The following PLG variants were observed in gnomAD, a reference collection of about 807,000 sequenced individuals.
PLG encodes plasmin.
In PLG, 41 loss-of-function variants were observed where a neutral mutation model predicts 104.4. The ratio of observed to expected loss-of-function variants is 0.39; its 90% CI spans 0.31 to 0.51. The LOEUF (loss-of-function observed/expected upper bound fraction) is 0.51, where lower values mean the gene tolerates loss of function less well. Among genes scored for constraint, PLG ranks in the 20% least tolerant of loss-of-function variants. The pLI is 0.76. For missense variants in PLG, 891 were observed against 1,003.6 expected (o/e 0.89, Z 1.52); for synonymous variants, 337 against 357.1 (o/e 0.94, Z 0.63).
intron 3 of PLG, among the ~76,000 whole-genome samples, chr6:160,710,135 T>G (rs1777612746): frequency 6.6e-6 from 1 of 152,226 alleles, no homozygotes; most frequent in Non-Finnish European, 1.5e-5. Flanking sequence ...ACCTTTAGAT[T>G]TTTATGAATT....
intron 2 of PLG, among the ~76,000 whole-genome samples, chr6:160,707,112 A>G (rs2115151204): frequency 6.6e-6 from 1 of 152,214 alleles, no homozygotes; most frequent in African/African-American, 2.4e-5. Context: ...AGCTCTTGAC[A>G]AGCACCAGGA....
In PLG at chr6:160,714,660, G is replaced by A. The variant is rs4252102; in HGVS notation, c.548-134G>A. On this transcript the variant is annotated intron_variant, in intron 5 of 18. Coordinates refer to ENST00000308192, the MANE Select transcript of PLG (RefSeq NM_000301.5). ...CTTATTGCCAATTTTATTGCCAAGT[G>A]CCTGTTGTGAATTACATCGGAATGA... is the stretch of plus-strand genomic sequence containing the variant. 1,973 of 745,522 alleles carry A rather than the reference G, an allele frequency of 2.6e-3. 28 individuals carry two copies. In the African/African-American group the frequency reaches 0.032, roughly 12 times the overall value. 46.2% of individuals were successfully genotyped at this position (745,522 alleles called of 1,614,324 possible). A position where few individuals can be genotyped will look rare whatever the true frequency, so the allele number is the denominator to read the frequency against.
chr6:160,715,008 A>G, intron 6 of PLG, 94 bp downstream of exon 6: 2 of 1,249,552 alleles, frequency 1.6e-6, no homozygotes, highest in Non-Finnish European at 2.3e-6. Flanking sequence ...GCATTCCTCA[A>G]GAAGTGAACG....
rs906784124 is a variant in PLG, at chr6:160,723,257, T to C, written c.1256+690T>C. Among the ~76,000 whole-genome samples, 18 of 151,816 alleles carry C rather than the reference T, an allele frequency of 1.2e-4. No homozygotes were observed. Among genetic ancestry groups the C allele is most frequent in the African/African-American group, 4.4e-4 (18 of 41,280 alleles). ...TGAAAGGATATGGGTTGCTGGGACA[T>C]GAAGAACAAAAGCAGGATACGCAGA... is the stretch of plus-strand genomic sequence containing the variant. On this transcript the variant is annotated intron_variant, in intron 10 of 18. Transcript: ENST00000308192. The surrounding 1 kb of genome is among the most constrained non-coding windows in gnomAD (Gnocchi z 4.7).
chr6:160,711,903 CTAT>C, intron 4 of PLG: 3 of 1,353,858 alleles, frequency 2.2e-6, no homozygotes, highest in East Asian at 5.8e-5. Context: ...TGCAACTTGC[CTAT>C]TATTTATTTT....
In PLG at chr6:160,738,461, G is replaced by A; in HGVS notation, c.1803-77G>A. On this transcript the variant is annotated intron_variant, in intron 14 of 18. Coordinates refer to ENST00000308192, the MANE Select transcript of PLG (RefSeq NM_000301.5). The surrounding 1 kb of genome is among the most constrained non-coding windows in gnomAD (Gnocchi z 6.8). ...AACATGGTCAAAATTAAGTGAACGT[G>A]TCTTTCTGGCTTTCTGTACAATGGA... 1 of 903,310 alleles carries A rather than the reference G, an allele frequency of 1.1e-6. No homozygotes were observed. Among genetic ancestry groups the A allele is most frequent in the Non-Finnish European group, 1.9e-6 (1 of 531,170 alleles). 56.0% of individuals were successfully genotyped at this position (903,310 alleles called of 1,614,324 possible).
rs1164717935 is a variant in PLG at position 160,739,013 on chromosome 6, G to A, written c.1878-55G>A. 1.9e-6 allele frequency: 3 copies of A among 1,608,012 alleles called. No individual in the cohort carries two copies. In the Admixed American group the frequency reaches 5.0e-5, roughly 27 times the overall value. On this transcript the variant is annotated intron_variant, in intron 15 of 18. Coordinates refer to ENST00000308192, the MANE Select transcript of PLG (RefSeq NM_000301.5). This position sits in a 1 kb window ranked among gnomAD's most constrained non-coding sequence, Gnocchi z 4.4. ...GACAGCACCAATTTCATGGCACAGA[G>A]GTTACCTGAAGGGGCTGGACCATAT...
In PLG at chr6:160,713,273, A is replaced by ATTT. The variant is rs113752311; in HGVS notation, c.547+158_547+160dup. ...AAGCAAAACCCCAGAATTAACCTGA[A>ATTT]TTTTTTTTTTTTCTGAGACAGAGTT... On this transcript the variant is annotated intron_variant, in intron 5 of 18. Coordinates refer to ENST00000308192, the MANE Select transcript of PLG (RefSeq NM_000301.5). 7.1e-3 allele frequency: 4,168 copies of ATTT among 585,706 alleles called. 67 individuals are homozygous for ATTT. The Middle Eastern group carries it at 0.11, about 16-fold the overall frequency. The allele number at this position is 585,706 out of a possible 1,614,324, so 36.3% of individuals were successfully genotyped here.
intron 4 of PLG, chr6:160,711,680 A>C (rs1238520141): frequency 6.2e-7 from 1 of 1,610,704 alleles, no homozygotes; most frequent in Non-Finnish European, 8.5e-7. Flanking sequence ...AGGTTTCTTG[A>C]AGACCTAGAA....
rs1332712628 is a variant in PLG, at chr6:160,706,477, G to C, written c.120G>C (p.Gln40His). 1.2e-6 allele frequency: 2 copies of C among 1,613,846 alleles called. No homozygotes were observed. The highest frequency in any genetic ancestry group is 2.2e-5 in the East Asian group (1 of 44,878). Residue 40 changes from glutamine (Q) to histidine (H), a missense_variant, in exon 2 of 19, where the codon CAG becomes CAC. By Grantham distance (24) the Gln-to-His change is conservative (BLOSUM62 0). Transcript: ENST00000308192. ...CACTGTTCAGTGTCACTAAGAAGCA[G>C]CTGGGAGCAGGAAGTATAGAAGAAT... is the stretch of plus-strand genomic sequence containing the variant. ...GASLFSVTKKQLGAGSIEECA... is the reference protein window; with the variant it reads ...GASLFSVTKKHLGAGSIEECA...
chr6:160,747,192 G>A (rs1290218929), intron 17 of PLG, among the ~76,000 whole-genome samples: 4 of 152,234 alleles, frequency 2.6e-5, no homozygotes, highest in Non-Finnish European at 5.9e-5. Context: ...ACAACTGGGG[G>A]AGAGGCGGAC....
At position 160,731,609 on chromosome 6, in the gene PLG, G is replaced by T; in HGVS notation, c.1439-136G>T. 1.2e-6 allele frequency: 1 copy of T among 836,196 alleles called. No individual in the cohort carries two copies. Among genetic ancestry groups the T allele is most frequent in the Non-Finnish European group, 2.0e-6 (1 of 488,946 alleles). The allele number at this position is 836,196 out of a possible 1,614,324, so 51.8% of individuals were successfully genotyped here. On this transcript the variant is annotated intron_variant, in intron 11 of 18. Transcript: ENST00000308192. This position sits in a 1 kb window ranked among gnomAD's most constrained non-coding sequence, Gnocchi z 5.1. ...CTTAAGGTAGGCAGCGTTCATTGCAGTCTTCAGCATTGCAGTTTCTGAGGA... is the reference window on the plus strand; with the variant it reads ...CTTAAGGTAGGCAGCGTTCATTGCATTCTTCAGCATTGCAGTTTCTGAGGA...
At chr6:160,730,161 C>G (rs568105153) in intron 10 of PLG, among the ~76,000 whole-genome samples, 6 of 152,344 alleles carry the variant, frequency 3.9e-5, no homozygotes, top group East Asian at 1.9e-4. Context: ...AGATCCCCCC[C>G]AGCCCGGGGT....
Position 160,752,705 on chromosome 6 carries a change from A to G in PLG, c.2272-195A>G, listed in dbSNP as rs1272965774. Among the ~76,000 whole-genome samples the G allele has an allele frequency of 6.6e-6, 1 of 152,188 alleles. No individual in the cohort carries two copies. The highest frequency in any genetic ancestry group is 2.4e-5 in the African/African-American group (1 of 41,446). ...AAGATCTTTTCTACCCCCCGGAAAA[A>G]CTAAGTGGTGTGGTTTCGCTAAACA... On this transcript the variant is annotated intron_variant, in intron 18 of 18. Transcript: ENST00000308192. The surrounding 1 kb of genome is among the most constrained non-coding windows in gnomAD (Gnocchi z 4.7).
Position 160,731,670 on chromosome 6 carries a change from GA to G in PLG, c.1439-74del, listed in dbSNP as rs1778001453. ...TGATTCTGTCATCCTAGAGAAACCTGACATGACTGTATTGATTCCATATCAT... is the reference window on the plus strand; with the variant it reads ...TGATTCTGTCATCCTAGAGAAACCTGCATGACTGTATTGATTCCATATCAT... On this transcript the variant is annotated intron_variant, in intron 11 of 18. Transcript: ENST00000308192. This position sits in a 1 kb window ranked among gnomAD's most constrained non-coding sequence, Gnocchi z 5.1. 5 of 1,427,280 alleles carry G rather than the reference GA, an allele frequency of 3.5e-6. No homozygotes were observed. 88.4% of individuals were successfully genotyped at this position (1,427,280 alleles called of 1,614,324 possible).
intron 2 of PLG, among the ~76,000 whole-genome samples, chr6:160,707,368 G>A (rs549660191): frequency 2.6e-5 from 4 of 152,260 alleles, no homozygotes; most frequent in East Asian, 1.9e-4. Flanking sequence ...CTATCTTGGC[G>A]AATGGGTTCA....
rs1321200 is a variant in PLG, at chr6:160,723,304, A to G, written c.1256+737A>G. On this transcript the variant is annotated intron_variant, in intron 10 of 18. Transcript: ENST00000308192. This position sits in a 1 kb window ranked among gnomAD's most constrained non-coding sequence, Gnocchi z 4.7. ...CAGATGCTGAACAGCGAAAGAGGCC[A>G]TTAGATGAACAGAAAACCAGGTCTA... is the stretch of plus-strand genomic sequence containing the variant. Among the ~76,000 whole-genome samples the G allele has an allele frequency of 0.086, 13,120 of 152,224 alleles. 1,490 individuals are homozygous for G. The highest frequency in any genetic ancestry group is 0.28 in the Middle Eastern group (81 of 294).
chr6:160,718,339 G>T lies in PLG; in HGVS notation c.833G>T (p.Gly278Val). 6.2e-7 allele frequency: 1 copy of T among 1,613,966 alleles called. No individual in the cohort carries two copies. The highest frequency in any genetic ancestry group is 8.5e-7 in the Non-Finnish European group (1 of 1,179,804). The change falls in exon 8 of 19, where the codon GGA becomes GTA. Residue 278 changes from glycine to valine, a missense_variant. Gly to Val is a moderately radical substitution (Grantham distance 109). Transcript: ENST00000308192. The stretch of plus-strand genomic sequence containing the variant: ...GGTCCCACCTACCAGTGTCTGAAGG[G>T]AACAGGTGAAAACTATCGCGGGAAT... ...SSGPTYQCLK[G>V]TGENYRGNVA...
intron 5 of PLG, 66 bp downstream of exon 5, chr6:160,713,191 G>A: frequency 1.6e-6 from 2 of 1,241,478 alleles, no homozygotes. Flanking sequence ...TTGTTGTAAA[G>A]CCCCTTCCCA....
Sources: gnomAD v4.1 joint callset for allele counts (sites outside exome capture counted in the v4.1 genomes callset) on GRCh38, gnomAD v4.1.1 for gene constraint, Gnocchi (gnomAD v3.1) non-coding constraint, MANE v1.5 for transcripts, NCBI Gene and HGNC (gene_info 2026-07-23, HGNC 2026-07-21) for gene names.